Variants in NLN observed in about 807,000 individuals in gnomAD.
NLN encodes the protein neurolysin, mitochondrial.
In NLN, 64 loss-of-function variants were observed where a neutral mutation model predicts 79.9. That is an observed-to-expected ratio of 0.80 (90% CI 0.65 to 0.99). The LOEUF (loss-of-function observed/expected upper bound fraction) is 0.99, where lower values mean the gene tolerates loss of function less well. Among genes scored for constraint, NLN ranks in the 50% least tolerant of loss-of-function variants. The probability of loss-of-function intolerance (pLI) is 0.00; values close to 1 mark genes in which losing one functional copy is unlikely to be tolerated. For synonymous variants in NLN, 267 were observed against 296.6 expected (o/e 0.90, Z 1.02); for missense variants, 835 against 858.7 (o/e 0.97, Z 0.34).
At chr5:65,743,156 T>TGCTGGTATA (rs56381125) in intron 1 of NLN, among the ~76,000 whole-genome samples, 3,219 of 152,326 alleles carry the variant, frequency 0.021, 79 homozygotes, top group South Asian at 0.06. Flanking sequence ...CAGTCAGCCT[T>TGCTGGTATA]GCTGGTATAG....
chr5:65,819,679 G>A (rs768170744), intron 12 of NLN, among the ~76,000 whole-genome samples: 3 of 152,092 alleles, frequency 2.0e-5, no homozygotes, highest in Non-Finnish European at 4.4e-5. Context: ...TTGTCTTAGA[G>A]CTTCTTTTCT....
At chr5:65,814,943 C>T (rs1760638190) in intron 12 of NLN, among the ~76,000 whole-genome samples, 1 of 152,062 alleles carries the variant, frequency 6.6e-6, no homozygotes, top group South Asian at 2.1e-4. Context: ...ATCAAAATGT[C>T]AATGATTATC....
At chr5:65,748,122 A>T (rs1417671327) in intron 1 of NLN, among the ~76,000 whole-genome samples, 1 of 152,152 alleles carries the variant, frequency 6.6e-6, no homozygotes, top group Non-Finnish European at 1.5e-5. Flanking sequence ...AATTGCTTGA[A>T]TCTGGGAGGC....
Position 65,781,314 on chromosome 5 carries a change from T to G in NLN, c.715T>G (p.Tyr239Asp). Residue 239 changes from tyrosine (Y) to aspartate (D), a missense_variant, in exon 6 of 13, where the codon TAT becomes GAT. Physicochemically the swap from Tyr to Asp is radical, Grantham distance 160 (BLOSUM62 -3). Coordinates refer to ENST00000380985, the MANE Select transcript of NLN (RefSeq NM_020726.5). ...DSLEKTDDDK[Y>D]KITLKYPHYF... ...TTTAGAAAAGACAGATGATGACAAG[T>G]ATAAAATTACCTTAAAATATCCACA... is the stretch of plus-strand genomic sequence containing the variant. 2 of 1,606,052 alleles carry G rather than the reference T, an allele frequency of 1.2e-6. No individual in the cohort carries two copies. Among genetic ancestry groups the G allele is most frequent in the East Asian group, 4.5e-5 (2 of 44,792 alleles).
At position 65,827,464 on chromosome 5, in the gene NLN, A is replaced by G. The variant is rs1760941979; in HGVS notation, c.*4549A>G. ...GTCATGAGAGAAACTGGCTAGAAAT[A>G]GTTTGTTCATTGCGTCCAGCAAGAC... On this transcript the variant is annotated 3_prime_UTR_variant, in exon 13 of 13. Coordinates refer to ENST00000380985, the MANE Select transcript of NLN (RefSeq NM_020726.5). The G allele has an allele frequency of 4.6e-5, 7 of 152,336 alleles. No individual in the cohort carries two copies. In the South Asian group the frequency reaches 1.5e-3, roughly 32 times the overall value. The allele number at this position is 152,336 out of a possible 1,614,324, so 9.4% of individuals were successfully genotyped here. A position where few individuals can be genotyped will look rare whatever the true frequency, so the allele number is the denominator to read the frequency against.
rs1292665386 is a variant in NLN at position 65,781,412 on chromosome 5, G to A, written c.813G>A (p.Arg271=). The change falls in exon 6 of 13, where the codon AGG becomes AGA. Residue 271 remains arginine, a synonymous_variant. Transcript: ENST00000380985. The part of the protein sequence containing the change: ...RRRMEMAFNT[R]CKEENTIILQ... ...GGATGGAAATGGCTTTTAATACAAGGTGCAAAGAGGTATTATAAATGTTTG... is the reference window on the plus strand; with the variant it reads ...GGATGGAAATGGCTTTTAATACAAGATGCAAAGAGGTATTATAAATGTTTG... The A allele has an allele frequency of 3.1e-6, 5 of 1,595,828 alleles. No homozygotes were observed.
intron 1 of NLN, among the ~76,000 whole-genome samples, chr5:65,726,542 C>T (rs747837747): frequency 6.6e-6 from 1 of 152,134 alleles, no homozygotes; most frequent in Non-Finnish European, 1.5e-5. Flanking sequence ...CTCACAGATT[C>T]CTTGAAAGTG....
At position 65,728,478 on chromosome 5, in the gene NLN, T is replaced by C. The variant is rs1330305135; in HGVS notation, c.41+6064T>C. On this transcript the variant is annotated intron_variant, in intron 1 of 12. Coordinates refer to ENST00000380985, the MANE Select transcript of NLN (RefSeq NM_020726.5). ...TTAGTATAAATTCTTACAAATGGAATTTGTACATCAAAGGGCATGCATACC... is the reference window on the plus strand; with the variant it reads ...TTAGTATAAATTCTTACAAATGGAACTTGTACATCAAAGGGCATGCATACC... 8.5e-5 allele frequency among the ~76,000 whole-genome samples: 13 copies of C among 152,328 alleles called. No homozygotes were observed. In the East Asian group the frequency reaches 1.5e-3, roughly 18 times the overall value.
intron 3 of NLN, among the ~76,000 whole-genome samples, chr5:65,765,780 G>C (rs912497007): frequency 4.6e-5 from 7 of 151,560 alleles, no homozygotes; most frequent in Admixed American, 3.9e-4. Context: ...AAATTTATAT[G>C]ATGTCAGCAA....
intron 1 of NLN, among the ~76,000 whole-genome samples, chr5:65,739,090 A>G (rs1758817048): frequency 7.8e-6 from 1 of 128,428 alleles, no homozygotes; most frequent in African/African-American, 2.9e-5. Context: ...TTTAGTAGAG[A>G]TGGGGTTTCA....
At chr5:65,821,441 A>G (rs191423123) in intron 12 of NLN, among the ~76,000 whole-genome samples, 13 of 152,340 alleles carry the variant, frequency 8.5e-5, no homozygotes, top group Non-Finnish European at 1.3e-4. Context: ...GATTTTGAGC[A>G]CTTAGAACAA....
At chr5:65,723,205 T>C (rs1758360896) in intron 1 of NLN, among the ~76,000 whole-genome samples, 1 of 152,122 alleles carries the variant, frequency 6.6e-6, no homozygotes, top group African/African-American at 2.4e-5. Flanking sequence ...ATAAAGAAAA[T>C]GTGTGCTTCT....
intron 12 of NLN, among the ~76,000 whole-genome samples, chr5:65,813,730 C>CA (rs1424093062): frequency 6.6e-6 from 1 of 151,996 alleles, no homozygotes; most frequent in Non-Finnish European, 1.5e-5. Flanking sequence ...AATTTGAAAC[C>CA]AACCTATTTG....
At chr5:65,770,178 CTA>C (rs1759537005) in intron 3 of NLN, among the ~76,000 whole-genome samples, 2 of 152,118 alleles carry the variant, frequency 1.3e-5, no homozygotes, top group African/African-American at 4.8e-5. Flanking sequence ...AAACTGCTAA[CTA>C]TGAAATATAA....
chr5:65,781,121 T>C, intron 5 of NLN, 140 bp from the exon 6 acceptor site: 2 of 606,926 alleles, frequency 3.3e-6, no homozygotes, highest in Non-Finnish European at 5.8e-6. Flanking sequence ...ATCAAAATGA[T>C]ATTTAAAGGA....
Position 65,722,362 on chromosome 5 carries a change from C to T in NLN, c.-12C>T, listed in dbSNP as rs1366929740. ...ACCACGCGCCCGCCGCCGCCAGCCTCTCAGCGCTCCCATGATCGCCCGGTG... is the reference window on the plus strand; with the variant it reads ...ACCACGCGCCCGCCGCCGCCAGCCTTTCAGCGCTCCCATGATCGCCCGGTG... On this transcript the variant is annotated 5_prime_UTR_variant, in exon 1 of 13. Transcript: ENST00000380985. The T allele has an allele frequency of 1.0e-5, 16 of 1,569,632 alleles. No homozygotes were observed. The highest frequency in any genetic ancestry group is 9.8e-5 in the African/African-American group (7 of 71,068).
At chr5:65,789,692 G>A (rs376183364) in intron 8 of NLN, among the ~76,000 whole-genome samples, 1 of 152,264 alleles carries the variant, frequency 6.6e-6, no homozygotes, top group East Asian at 1.9e-4. Context: ...TTGAACCCTG[G>A]AACTGAGATC....
intron 9 of NLN, among the ~76,000 whole-genome samples, chr5:65,808,207 A>AT (rs1255625506): frequency 1.3e-5 from 2 of 152,080 alleles, no homozygotes; most frequent in Non-Finnish European, 2.9e-5. Flanking sequence ...CAAGCAAAAC[A>AT]TTTTTTTGCA....
In NLN at chr5:65,780,641, C is replaced by A. The variant is rs530533687; in HGVS notation, c.661+360C>A. ...TTCCTGCATTGTATCTTAAACTAGT[C>A]TCTTCTTACTCAGTCCTGGGTCTTT... On this transcript the variant is annotated intron_variant, in intron 5 of 12. Transcript: ENST00000380985. Among the ~76,000 whole-genome samples the A allele has an allele frequency of 2.6e-5, 4 of 151,178 alleles. No individual in the cohort carries two copies. The East Asian group carries it at 7.8e-4, about 29-fold the overall frequency.
Sources: gnomAD v4.1 joint callset for allele counts (sites outside exome capture counted in the v4.1 genomes callset) on GRCh38, gnomAD v4.1.1 for gene constraint, MANE v1.5 for transcripts, NCBI Gene and HGNC (gene_info 2026-07-23, HGNC 2026-07-21) for gene names.